CEACAM3: variants seen among roughly 807,000 people sequenced by gnomAD.
CEACAM3 encodes cell adhesion molecule CEACAM3.
A neutral mutation model predicts 30.1 loss-of-function variants in CEACAM3; 32 were observed. The ratio of observed to expected loss-of-function variants is 1.06; its 90% CI spans 0.80 to 1.43. CEACAM3 has a LOEUF of 1.43. Ranked by LOEUF, CEACAM3 falls within the 40% of genes most tolerant of loss-of-function variation. The probability of loss-of-function intolerance (pLI) is 0.00; values close to 1 mark genes in which losing one functional copy is unlikely to be tolerated. For missense variants in CEACAM3, 290 were observed against 316.3 expected, an observed-to-expected ratio of 0.92 and a Z score of 0.63; for synonymous variants, 134 against 127.2, an observed-to-expected ratio of 1.05 and a Z score of -0.36.
At chr19:41,811,105 C>A in intron 6 of CEACAM3, 67 bp from the exon 7 acceptor site, 1 of 1,551,760 alleles carries the variant, frequency 6.4e-7, no homozygotes, top group Non-Finnish European at 8.9e-7. Context: ...GGGCCCAGAG[C>A]CTGGGAGACG....
intron 3 of CEACAM3, chr19:41,809,674 G>A (rs1374126206): frequency 8.1e-5 from 26 of 321,154 alleles, no homozygotes; most frequent in South Asian, 3.7e-4. Flanking sequence ...GCAAACCCTC[G>A]TGGTCTGTTT....
intron 2 of CEACAM3, among the ~76,000 whole-genome samples, chr19:41,798,493 C>A (rs2073121930): frequency 6.6e-6 from 1 of 152,202 alleles, no homozygotes; most frequent in Non-Finnish European, 1.5e-5. Flanking sequence ...TGGTCACCAG[C>A]CAGGGTCCAG....
chr19:41,810,852 C>G lies in CEACAM3; in HGVS notation c.648C>G (p.Ala216=). ...SAFSMSPLST[A]QAPLPNPRTA... ...CACAGATGTCCCCTCTCTCCACTGC[C>G]CAGGCCCCCCTACCCAACCCCAGGA... The change falls in exon 6 of 7, where the codon GCC becomes GCG. Residue 216 remains alanine, a synonymous_variant. Coordinates refer to ENST00000357396, the MANE Select transcript of CEACAM3 (RefSeq NM_001815.5). 6.2e-7 allele frequency: 1 copy of G among 1,613,500 alleles called. No individual in the cohort carries two copies. Among genetic ancestry groups the G allele is most frequent in the Non-Finnish European group, 8.5e-7 (1 of 1,179,698 alleles).
At chr19:41,807,441 A>G in intron 2 of CEACAM3, 1 of 1,555,534 alleles carries the variant, frequency 6.4e-7, no homozygotes, top group South Asian at 1.1e-5. Flanking sequence ...CCACACAGCC[A>G]GAGGCCAGGC....
At chr19:41,807,069 C>T (rs1242135256) in intron 2 of CEACAM3, 17 of 1,608,190 alleles carry the variant, frequency 1.1e-5, no homozygotes, top group Non-Finnish European at 1.4e-5. Flanking sequence ...GGAGGAATCA[C>T]AGGTGCCACA....
intron 5 of CEACAM3, 115 bp downstream of exon 5, chr19:41,810,469 A>G (rs1247496835): frequency 3.3e-6 from 4 of 1,216,252 alleles, no homozygotes; most frequent in Non-Finnish European, 4.7e-6. Flanking sequence ...CAAAACACAC[A>G]GGACAAGGCT....
intron 2 of CEACAM3, among the ~76,000 whole-genome samples, chr19:41,799,112 T>C (rs2073126964): frequency 1.3e-5 from 2 of 152,214 alleles, no homozygotes; most frequent in Admixed American, 1.3e-4. Context: ...AATTAATCAA[T>C]TTTTCCTGAT....
intron 1 of CEACAM3, 101 bp downstream of exon 1, chr19:41,796,842 T>C: frequency 2.4e-6 from 3 of 1,234,308 alleles, no homozygotes; most frequent in Non-Finnish European, 3.4e-6. Flanking sequence ...AGAAGGCTTC[T>C]GCTGAAGCCT....
At position 41,811,330 on chromosome 19, in the gene CEACAM3, A is replaced by C; in HGVS notation, c.*93A>C. The C allele has an allele frequency of 9.2e-7, 1 of 1,092,632 alleles. No homozygotes were observed. Among genetic ancestry groups the C allele is most frequent in the Non-Finnish European group, 1.4e-6 (1 of 717,534 alleles). The allele number at this position is 1,092,632 out of a possible 1,614,324, so 67.7% of individuals were successfully genotyped here. ...AAGGACATGAAGCCTGAGCCAGAGA[A>C]CCAGCTATAAGTCCTGAGAAGACAC... On this transcript the variant is annotated 3_prime_UTR_variant, in exon 7 of 7. Coordinates refer to ENST00000357396, the MANE Select transcript of CEACAM3 (RefSeq NM_001815.5).
intron 2 of CEACAM3, among the ~76,000 whole-genome samples, chr19:41,798,891 C>G (rs1051576172): frequency 6.6e-6 from 1 of 152,216 alleles, no homozygotes; most frequent in Non-Finnish European, 1.5e-5. Context: ...GAGACAGTCA[C>G]CGACTAGGGT....
At chr19:41,799,920 C>T (rs1378954936) in intron 2 of CEACAM3, among the ~76,000 whole-genome samples, 3 of 152,070 alleles carry the variant, frequency 2.0e-5, no homozygotes, top group East Asian at 1.9e-4. Context: ...CCCCAAGAAC[C>T]GCATCTCATG....
At chr19:41,803,339 G>C (rs1330688282) in intron 2 of CEACAM3, among the ~76,000 whole-genome samples, 1 of 152,088 alleles carries the variant, frequency 6.6e-6, no homozygotes, top group Non-Finnish European at 1.5e-5. Flanking sequence ...CTTACTGGTA[G>C]CCTGGACACA....
At chr19:41,802,198 A>G (rs1389617647) in intron 2 of CEACAM3, among the ~76,000 whole-genome samples, 15 of 152,032 alleles carry the variant, frequency 9.9e-5, no homozygotes, top group African/African-American at 3.6e-4. Flanking sequence ...CTCATGGCTC[A>G]TTTCACCCAT....
rs536492026 is a variant in CEACAM3, at chr19:41,801,404, C to T, written c.424+3456C>T. Among the ~76,000 whole-genome samples, 9 of 152,344 alleles carry T rather than the reference C, an allele frequency of 5.9e-5. No individual in the cohort carries two copies. The South Asian group carries it at 1.9e-3, about 32-fold the overall frequency. On this transcript the variant is annotated intron_variant, in intron 2 of 6. Coordinates refer to ENST00000357396, the MANE Select transcript of CEACAM3 (RefSeq NM_001815.5). ...TGAGGCCAACATGTGGAAAAGGCCA[C>T]AGGACAGGGACGAGCGACTCCTCCA...
intron 2 of CEACAM3, 76 bp from the exon 3 acceptor site, chr19:41,808,737 C>T (rs1343547166): frequency 3.4e-6 from 4 of 1,183,170 alleles, no homozygotes; most frequent in Non-Finnish European, 5.0e-6. Flanking sequence ...GACTGCACAC[C>T]TTCCCTGCAA....
At chr19:41,805,954 A>G (rs1337401975) in intron 2 of CEACAM3, among the ~76,000 whole-genome samples, 7 of 152,182 alleles carry the variant, frequency 4.6e-5, no homozygotes, top group African/African-American at 1.7e-4. Flanking sequence ...CAGCTCCTGC[A>G]TGTCCCCGCC....
At chr19:41,810,136 C>A (rs2073237315) in intron 4 of CEACAM3, 119 bp downstream of exon 4, 1 of 1,311,706 alleles carries the variant, frequency 7.6e-7, no homozygotes, top group Non-Finnish European at 1.1e-6. Flanking sequence ...CAAGGAGGAT[C>A]TCATAAAACA....
intron 1 of CEACAM3, chr19:41,797,064 C>G (rs1233911870): frequency 1.0e-5 from 3 of 291,114 alleles, no homozygotes; most frequent in African/African-American, 6.6e-5. Flanking sequence ...CTTTGACCAC[C>G]AACCACAAGT....
chr19:41,810,226 G>T, intron 4 of CEACAM3, 97 bp from the exon 5 acceptor site: 6 of 1,471,448 alleles, frequency 4.1e-6, no homozygotes, highest in Non-Finnish European at 5.6e-6. Context: ...AACCTCAGCT[G>T]CTCAGGTATC....
Sources: gnomAD v4.1 joint callset for allele counts (sites outside exome capture counted in the v4.1 genomes callset) on GRCh38, gnomAD v4.1.1 for gene constraint, MANE v1.5 for transcripts, NCBI Gene and HGNC (gene_info 2026-07-23, HGNC 2026-07-21) for gene names.